Variants in NUDT21 observed in about 807,000 individuals in gnomAD.
NUDT21 encodes the protein nudix hydrolase 21.
NUDT21 carries 5 observed loss-of-function variants against 29.8 expected under a neutral mutation model. That is an observed-to-expected ratio of 0.17 (90% CI 0.09 to 0.35). The LOEUF is 0.35. NUDT21 is among the 10% of genes least tolerant of loss of function. The pLI is 1.00. For missense variants in NUDT21, 76 were observed against 276.0 expected, an observed-to-expected ratio of 0.28 and a Z score of 5.13; for synonymous variants, 113 against 98.5, an observed-to-expected ratio of 1.15 and a Z score of -0.87.
chr16:56,433,642 CA>C (rs1456403328), intron 6 of NUDT21, among the ~76,000 whole-genome samples: 10 of 151,996 alleles, frequency 6.6e-5, no homozygotes, highest in African/African-American at 2.4e-4. Context: ...TAGTAAGTTT[CA>C]AAAAAGGAAA....
chr16:56,443,027 T>G (rs1962177272), intron 3 of NUDT21, among the ~76,000 whole-genome samples: 1 of 152,220 alleles, frequency 6.6e-6, no homozygotes, highest in African/African-American at 2.4e-5. Context: ...TCTGCTTCTG[T>G]TGAGGTCCTT....
At chr16:56,435,604 T>C (rs1962088439) in intron 4 of NUDT21, among the ~76,000 whole-genome samples, 1 of 146,518 alleles carries the variant, frequency 6.8e-6, no homozygotes. Context: ...CGGGCGCCTG[T>C]AGTCCCAGCT....
intron 1 of NUDT21, among the ~76,000 whole-genome samples, chr16:56,448,765 T>C (rs1315592933): frequency 6.6e-6 from 1 of 152,218 alleles, no homozygotes; most frequent in African/African-American, 2.4e-5. Context: ...TACTTATATG[T>C]TGTAAGCCCT....
intron 2 of NUDT21, among the ~76,000 whole-genome samples, chr16:56,447,453 A>C (rs1596957983): frequency 6.6e-6 from 1 of 152,272 alleles, no homozygotes; most frequent in African/African-American, 2.4e-5. Context: ...TCTTAAGAAC[A>C]GGAAATGCTA....
chr16:56,445,626 A>T (rs576411367), intron 3 of NUDT21, among the ~76,000 whole-genome samples: 1 of 152,154 alleles, frequency 6.6e-6, no homozygotes, highest in Non-Finnish European at 1.5e-5. Flanking sequence ...CCCCACTTTC[A>T]TAAGTACCTA....
At chr16:56,448,031 T>A in intron 1 of NUDT21, 42 bp from the exon 2 acceptor site, 1 of 1,545,670 alleles carries the variant, frequency 6.5e-7, no homozygotes, top group East Asian at 2.2e-5. Context: ...AACTGAAGAA[T>A]GTAATTTACC....
At chr16:56,438,226 G>T (rs1234886413) in intron 4 of NUDT21, among the ~76,000 whole-genome samples, 1 of 152,172 alleles carries the variant, frequency 6.6e-6, no homozygotes, top group Non-Finnish European at 1.5e-5. Flanking sequence ...ATCACAGACT[G>T]AGGCTTCCTA....
At position 56,432,593 on chromosome 16, in the gene NUDT21, T is replaced by C; in HGVS notation, c.*119A>G. ...TATTCAAACAATAGAAAGGTGGCAA[T>C]TTAGGGATCGCAAAAGAGATAAAAC... is the stretch of plus-strand genomic sequence containing the variant. On this transcript the variant is annotated 3_prime_UTR_variant, in exon 7 of 7. Coordinates refer to ENST00000300291, the MANE Select transcript of NUDT21 (RefSeq NM_007006.3). 1 of 652,544 alleles carries C rather than the reference T, an allele frequency of 1.5e-6. No homozygotes were observed. Among genetic ancestry groups the C allele is most frequent in the Non-Finnish European group, 2.5e-6 (1 of 394,710 alleles). 40.4% of individuals were successfully genotyped at this position (652,544 alleles called of 1,614,324 possible).
rs1375396620 is a variant in NUDT21 at position 56,430,879 on chromosome 16, GGAAGAAGT to G, written c.*1825_*1832del. 2 of 152,170 alleles carry G rather than the reference GGAAGAAGT, an allele frequency of 1.3e-5. No homozygotes were observed. Among genetic ancestry groups the G allele is most frequent in the African/African-American group, 4.8e-5 (2 of 41,442 alleles). 9.4% of individuals were successfully genotyped at this position (152,170 alleles called of 1,614,324 possible). On this transcript the variant is annotated 3_prime_UTR_variant, in exon 7 of 7. Transcript: ENST00000300291. ...TGGCTCACGTACTTACTGTATATTG[GGAAGAAGT>G]GAAGAAGTGAGAAGTGAAGAATTTC...
chr16:56,447,603 A>G lies in NUDT21; in HGVS notation c.317+186T>C, dbSNP rs533204105. The G allele has an allele frequency of 2.3e-4, 134 of 585,520 alleles. No homozygotes were observed. The African/African-American group carries it at 2.5e-3, about 11-fold the overall frequency. 36.3% of individuals were successfully genotyped at this position (585,520 alleles called of 1,614,324 possible). On this transcript the variant is annotated intron_variant, in intron 2 of 6. Coordinates refer to ENST00000300291, the MANE Select transcript of NUDT21 (RefSeq NM_007006.3). The stretch of plus-strand genomic sequence containing the variant: ...AACAACATACAGAAACATACAGATT[A>G]CTAGTTAGGAAAATAAATGAGCACT...
intron 4 of NUDT21, among the ~76,000 whole-genome samples, chr16:56,437,037 T>C (rs1231235496): frequency 6.6e-6 from 1 of 152,220 alleles, no homozygotes; most frequent in Non-Finnish European, 1.5e-5. Flanking sequence ...AGAATAACTG[T>C]ACTATGTATC....
At chr16:56,446,292 GAAGT>G (rs1212560320) in intron 3 of NUDT21, among the ~76,000 whole-genome samples, 2 of 152,174 alleles carry the variant, frequency 1.3e-5, no homozygotes, top group Non-Finnish European at 2.9e-5. Flanking sequence ...TATATAACAA[GAAGT>G]AATTTAAACT....
At chr16:56,432,776 T>C (rs753553264) in intron 6 of NUDT21, 43 bp from the exon 7 acceptor site, 3 of 1,378,414 alleles carry the variant, frequency 2.2e-6, no homozygotes, top group Admixed American at 1.8e-5. Flanking sequence ...AGACAGTACA[T>C]ACTACTTTCC....
intron 2 of NUDT21, 59 bp downstream of exon 2, chr16:56,447,730 C>T: frequency 6.9e-7 from 1 of 1,458,992 alleles, no homozygotes; most frequent in Non-Finnish European, 9.6e-7. Context: ...TATTCCAGAG[C>T]TGCATAAACA....
intron 4 of NUDT21, among the ~76,000 whole-genome samples, chr16:56,437,974 A>G (rs1281786134): frequency 1.3e-5 from 2 of 152,342 alleles, no homozygotes; most frequent in African/African-American, 4.8e-5. Flanking sequence ...ATGAATTCAT[A>G]GACCAGGAAA....
Position 56,431,732 on chromosome 16 carries a change from A to T in NUDT21, c.*980T>A, listed in dbSNP as rs1485777106. 6.6e-6 allele frequency: 1 copy of T among 151,646 alleles called. No individual in the cohort carries two copies. The allele number at this position is 151,646 out of a possible 1,614,324, so 9.4% of individuals were successfully genotyped here. A position where few individuals can be genotyped will look rare whatever the true frequency, so the allele number is the denominator to read the frequency against. On this transcript the variant is annotated 3_prime_UTR_variant, in exon 7 of 7. Coordinates refer to ENST00000300291, the MANE Select transcript of NUDT21 (RefSeq NM_007006.3). ...TGATCCGAATTTATCAGTATTTTTT[A>T]AAGTTTTTAAAATTTCGTTTTTCTC...
chr16:56,449,933 T>C (rs1445151889), intron 1 of NUDT21, among the ~76,000 whole-genome samples: 1 of 152,154 alleles, frequency 6.6e-6, no homozygotes, highest in Non-Finnish European at 1.5e-5. Context: ...CACACAACTA[T>C]CAACTAATTC....
intron 3 of NUDT21, among the ~76,000 whole-genome samples, chr16:56,444,514 G>T (rs1378614445): frequency 6.6e-6 from 1 of 150,652 alleles, no homozygotes; most frequent in Non-Finnish European, 1.5e-5. Context: ...AACCCAGGAG[G>T]CAGAGGTTGC....
intron 1 of NUDT21, among the ~76,000 whole-genome samples, 160 bp from the exon 2 acceptor site, chr16:56,448,149 G>C (rs182885939): frequency 6.6e-6 from 1 of 152,298 alleles, no homozygotes. Flanking sequence ...GCAGAGACTG[G>C]AATCTTGCTC....
Sources: allele counts gnomAD v4.1 joint callset (sites outside exome capture counted in the v4.1 genomes callset), GRCh38; gene constraint gnomAD v4.1.1; transcripts MANE v1.5; gene names NCBI Gene and HGNC (gene_info 2026-07-23, HGNC 2026-07-21).